Variants in RAB28 observed in about 807,000 individuals in gnomAD.
The protein encoded by RAB28 is RAB28, member RAS oncogene family.
Under a neutral mutation model 31.7 loss-of-function variants are expected in RAB28, and 24 were observed. The ratio of observed to expected loss-of-function variants is 0.76; its 90% CI spans 0.55 to 1.06. The LOEUF is 1.06. RAB28 is among the 50% of genes least tolerant of loss of function. The pLI is 0.00. For synonymous variants in RAB28, 100 were observed against 90.4 expected, an observed-to-expected ratio of 1.11 and a Z score of -0.60; for missense variants, 254 against 258.5, an observed-to-expected ratio of 0.98 and a Z score of 0.12.
At chr4:13,428,127 T>C (rs1713610998) in intron 4 of RAB28, among the ~76,000 whole-genome samples, 2 of 152,212 alleles carry the variant, frequency 1.3e-5, no homozygotes, top group African/African-American at 2.4e-5. Context: ...CTGGAATCTG[T>C]AGATAACATA....
intron 3 of RAB28, among the ~76,000 whole-genome samples, chr4:13,471,059 T>C (rs1222523810): frequency 2.6e-5 from 4 of 152,096 alleles, no homozygotes; most frequent in Admixed American, 6.6e-5. Context: ...TAATTCTTTC[T>C]ATACACAATA....
intron 4 of RAB28, among the ~76,000 whole-genome samples, chr4:13,425,370 C>A (rs1713414964): frequency 6.6e-6 from 1 of 152,190 alleles, no homozygotes; most frequent in Non-Finnish European, 1.5e-5. Context: ...TTCCCTTAAA[C>A]TAATACTAAA....
chr4:13,394,322 T>C (rs1427448653), intron 4 of RAB28, among the ~76,000 whole-genome samples: 2 of 152,180 alleles, frequency 1.3e-5, no homozygotes, highest in Non-Finnish European at 2.9e-5. Flanking sequence ...TCTCAGATCA[T>C]CAGGCATTAA....
chr4:13,444,450 T>C (rs1413621917), intron 4 of RAB28, among the ~76,000 whole-genome samples: 2 of 152,200 alleles, frequency 1.3e-5, no homozygotes, highest in Non-Finnish European at 2.9e-5. Context: ...GCAGACTCCA[T>C]ATCTTGGCTA....
At chr4:13,382,919 T>G (rs1040422136) in intron 4 of RAB28, among the ~76,000 whole-genome samples, 5 of 152,006 alleles carry the variant, frequency 3.3e-5, no homozygotes, top group Non-Finnish European at 7.4e-5. Context: ...AGGTTGGTCT[T>G]GAATTCCTGA....
intron 4 of RAB28, among the ~76,000 whole-genome samples, chr4:13,455,885 C>G (rs986792637): frequency 6.6e-6 from 1 of 152,240 alleles, no homozygotes; most frequent in African/African-American, 2.4e-5. Flanking sequence ...TGGGTGTCTC[C>G]ACACCACCCT....
intron 4 of RAB28, among the ~76,000 whole-genome samples, chr4:13,425,837 A>T (rs1713452601): frequency 6.6e-6 from 1 of 152,212 alleles, no homozygotes; most frequent in Non-Finnish European, 1.5e-5. Flanking sequence ...GGCAACAAAA[A>T]TATGACAGTA....
intron 2 of RAB28, among the ~76,000 whole-genome samples, chr4:13,478,604 G>A (rs1259814324): frequency 1.3e-5 from 2 of 151,572 alleles, no homozygotes; most frequent in Non-Finnish European, 3.0e-5. Context: ...CATTACACTT[G>A]CAACCATTTT....
chr4:13,478,027 A>G (rs1363049704), intron 2 of RAB28, among the ~76,000 whole-genome samples: 1 of 150,512 alleles, frequency 6.6e-6, no homozygotes, highest in Non-Finnish European at 1.5e-5. Flanking sequence ...CATCAAAACA[A>G]AATAGCTAAT....
At chr4:13,448,867 T>A (rs953547360) in intron 4 of RAB28, among the ~76,000 whole-genome samples, 1 of 151,934 alleles carries the variant, frequency 6.6e-6, no homozygotes, top group African/African-American at 2.4e-5. Context: ...ATGATCACAC[T>A]TCTATTTGAA....
chr4:13,476,124 A>T (rs1024798858), intron 2 of RAB28, among the ~76,000 whole-genome samples: 2 of 151,556 alleles, frequency 1.3e-5, no homozygotes, highest in Non-Finnish European at 3.0e-5. Context: ...CCTCACATCA[A>T]GAAATATAAA....
At chr4:13,469,777 C>T (rs1484907498) in intron 3 of RAB28, among the ~76,000 whole-genome samples, 2 of 152,020 alleles carry the variant, frequency 1.3e-5, no homozygotes, top group Admixed American at 6.6e-5. Context: ...CAGCCTCAAA[C>T]TCCTGGACTC....
chr4:13,373,514 A>G (rs1394618828), intron 6 of RAB28, among the ~76,000 whole-genome samples: 1 of 152,122 alleles, frequency 6.6e-6, no homozygotes, highest in Non-Finnish European at 1.5e-5. Flanking sequence ...TCTCTTATTC[A>G]TTTCTGTATC....
intron 4 of RAB28, among the ~76,000 whole-genome samples, chr4:13,396,283 G>A (rs765345676): frequency 1.1e-4 from 17 of 151,730 alleles, no homozygotes; most frequent in Non-Finnish European, 1.9e-4. Context: ...TCAAACAAAC[G>A]ACTTGTCACA....
chr4:13,409,241 C>T (rs942922474), intron 4 of RAB28, among the ~76,000 whole-genome samples: 4 of 152,114 alleles, frequency 2.6e-5, no homozygotes, highest in African/African-American at 9.7e-5. Flanking sequence ...AAAAACAAGA[C>T]ACTGAAATCA....
At chr4:13,429,389 T>G (rs970440090) in intron 4 of RAB28, among the ~76,000 whole-genome samples, 1 of 151,866 alleles carries the variant, frequency 6.6e-6, no homozygotes, top group African/African-American at 2.4e-5. Flanking sequence ...TCTTGAAGAA[T>G]CCACAAAAAA....
chr4:13,421,460 C>T (rs963861222), intron 4 of RAB28, among the ~76,000 whole-genome samples: 1 of 152,038 alleles, frequency 6.6e-6, no homozygotes, highest in Non-Finnish European at 1.5e-5. Flanking sequence ...CAATCCTAAG[C>T]AAAAAGAACA....
chr4:13,395,270 C>T (rs568783395), intron 4 of RAB28, among the ~76,000 whole-genome samples: 19 of 151,894 alleles, frequency 1.3e-4, no homozygotes, highest in Non-Finnish European at 2.7e-4. Flanking sequence ...TCATAAAAAC[C>T]GGCCCATAAG....
intron 4 of RAB28, among the ~76,000 whole-genome samples, chr4:13,416,683 T>C (rs958168725): frequency 2.6e-5 from 4 of 152,230 alleles, no homozygotes; most frequent in African/African-American, 9.6e-5. Flanking sequence ...GAAGTAATGG[T>C]AATATTCTAT....
Sources: gnomAD v4.1 joint callset for allele counts (sites outside exome capture counted in the v4.1 genomes callset) on GRCh38, gnomAD v4.1.1 for gene constraint, MANE v1.5 for transcripts, NCBI Gene and HGNC (gene_info 2026-07-23, HGNC 2026-07-21) for gene names.